The following BAIAP2L2 variants were observed in gnomAD, a reference collection of about 807,000 sequenced individuals.
The protein encoded by BAIAP2L2 is BAR/IMD domain-containing adapter protein 2-like 2.
BAIAP2L2 carries 65 observed loss-of-function variants against 60.4 expected under a neutral mutation model. The ratio of observed to expected loss-of-function variants is 1.08; its 90% CI spans 0.88 to 1.32. The LOEUF (loss-of-function observed/expected upper bound fraction) is 1.32. BAIAP2L2 is among the 40% of genes most tolerant of loss of function. BAIAP2L2 has a pLI of 0.00. For missense variants in BAIAP2L2, 836 were observed against 741.2 expected (o/e 1.13, Z -1.48); for synonymous variants, 344 against 301.7 (o/e 1.14, Z -1.45).
At chr22:38,088,990 C>A (rs748664767) in intron 9 of BAIAP2L2, 26 bp from the exon 10 acceptor site, 1 of 1,479,640 alleles carries the variant, frequency 6.8e-7, no homozygotes, top group African/African-American at 1.4e-5. Flanking sequence ...CGCGGCGGCA[C>A]GTGGGCAGGA....
chr22:38,088,627 G>A, intron 10 of BAIAP2L2, 121 bp downstream of exon 10: 3 of 987,480 alleles, frequency 3.0e-6, no homozygotes, highest in Non-Finnish European at 4.3e-6. Flanking sequence ...GGGAGGAGAG[G>A]AGCATTGTCC....
intron 10 of BAIAP2L2, 80 bp downstream of exon 10, chr22:38,088,668 A>T: frequency 7.1e-7 from 1 of 1,402,774 alleles, no homozygotes; most frequent in Non-Finnish European, 9.4e-7. Context: ...GGGAAACCTC[A>T]GTCCGGCAGG....
chr22:38,109,318 T>G (rs1008510416), intron 1 of BAIAP2L2, 110 bp from the exon 2 acceptor site: 4 of 846,898 alleles, frequency 4.7e-6, no homozygotes, highest in Non-Finnish European at 7.6e-6. Flanking sequence ...CCCAGCCCAG[T>G]GAGAAGCCCC....
At position 38,085,874 on chromosome 22, in the gene BAIAP2L2, C is replaced by T. The variant is rs1411924700; in HGVS notation, c.1468-142G>A. ...ATGCCAGGCTCCTGGAAAATGAGAC[C>T]CTGACGTTCTGAAGCCCAGAATTCT... is the stretch of plus-strand genomic sequence containing the variant. On this transcript the variant is annotated intron_variant, in intron 12 of 13. Coordinates refer to ENST00000381669, the MANE Select transcript of BAIAP2L2 (RefSeq NM_025045.6). 6 of 856,514 alleles carry T rather than the reference C, an allele frequency of 7.0e-6. No homozygotes were observed. In the Admixed American group the frequency reaches 1.6e-4, roughly 23 times the overall value. 53.1% of individuals were successfully genotyped at this position (856,514 alleles called of 1,614,324 possible).
intron 8 of BAIAP2L2, 123 bp downstream of exon 8, chr22:38,089,399 G>A (rs917164711): frequency 1.3e-5 from 8 of 613,538 alleles, no homozygotes; most frequent in African/African-American, 1.2e-4. Context: ...AGGGCAGGCC[G>A]GGGGATGCAG....
chr22:38,095,191 A>G (rs903883972), intron 7 of BAIAP2L2, among the ~76,000 whole-genome samples: 2 of 152,170 alleles, frequency 1.3e-5, no homozygotes. Context: ...AAATCAGTTT[A>G]TCAAAATACA....
intron 4 of BAIAP2L2, among the ~76,000 whole-genome samples, chr22:38,104,446 A>G (rs1200067132): frequency 6.6e-6 from 1 of 152,134 alleles, no homozygotes; most frequent in Non-Finnish European, 1.5e-5. Context: ...AAGTGTAAGG[A>G]AAAGAAACAG....
At chr22:38,109,341 G>A (rs749959234) in intron 1 of BAIAP2L2, 133 bp from the exon 2 acceptor site, 13 of 687,920 alleles carry the variant, frequency 1.9e-5, no homozygotes, top group Non-Finnish European at 2.5e-5. Context: ...ACTTTGGGGG[G>A]CCCATCTACA....
chr22:38,097,968 C>T, intron 6 of BAIAP2L2, 95 bp downstream of exon 6: 1 of 1,174,264 alleles, frequency 8.5e-7, no homozygotes, highest in East Asian at 2.3e-5. Flanking sequence ...GGTGGGGGAG[C>T]TCAGGGAGGC....
rs2086011429 is a variant in BAIAP2L2, at chr22:38,085,040, C to G, written c.*260G>C. On this transcript the variant is annotated 3_prime_UTR_variant, in exon 14 of 14. Transcript: ENST00000381669. ...GAGGTTAGGGGGCAAGAGGTGGGCC[C>G]CCCAGGGAGAGTCCTGGAGCCCCTG... 1 of 466,954 alleles carries G rather than the reference C, an allele frequency of 2.1e-6. No individual in the cohort carries two copies. The highest frequency in any genetic ancestry group is 2.0e-5 in the African/African-American group (1 of 49,890). 28.9% of individuals were successfully genotyped at this position (466,954 alleles called of 1,614,324 possible). A position where few individuals can be genotyped will look rare whatever the true frequency, so the allele number is the denominator to read the frequency against.
chr22:38,108,993 G>A, intron 2 of BAIAP2L2, 140 bp downstream of exon 2: 1 of 750,196 alleles, frequency 1.3e-6, no homozygotes, highest in South Asian at 1.6e-5. Context: ...CTGCAGAGGT[G>A]TGAGGGTGAG....
At position 38,107,895 on chromosome 22, in the gene BAIAP2L2, A is replaced by G. The variant is rs1216006987; in HGVS notation, c.233T>C (p.Met78Thr). 2 of 1,613,504 alleles carry G rather than the reference A, an allele frequency of 1.2e-6. No homozygotes were observed. The highest frequency in any genetic ancestry group is 1.1e-5 in the South Asian group (1 of 91,084). ...SQILGEILVQ[M>T]SDTQRHLNSD... The stretch of plus-strand genomic sequence containing the variant: ...GTTCAAGTGCCGCTGGGTGTCAGAC[A>G]TCTGCACCAAGATCTCCCCTGGAGG... Residue 78 changes from methionine to threonine, a missense_variant, in exon 4 of 14, where the codon ATG becomes ACG. Physicochemically the swap from Met to Thr is moderately conservative, Grantham distance 81. Coordinates refer to ENST00000381669, the MANE Select transcript of BAIAP2L2 (RefSeq NM_025045.6).
At chr22:38,097,542 G>A (rs1182196027) in intron 6 of BAIAP2L2, among the ~76,000 whole-genome samples, 1 of 152,226 alleles carries the variant, frequency 6.6e-6, no homozygotes, top group Non-Finnish European at 1.5e-5. Context: ...AAGATTCTGA[G>A]GAGGGGAGGC....
intron 5 of BAIAP2L2, 115 bp downstream of exon 5, chr22:38,098,296 G>T: frequency 6.9e-7 from 1 of 1,446,742 alleles, no homozygotes; most frequent in Non-Finnish European, 9.7e-7. Flanking sequence ...TGGGAACATG[G>T]ATAATCTGGG....
intron 10 of BAIAP2L2, 30 bp downstream of exon 10, chr22:38,088,718 A>AGGGGG: frequency 1.2e-6 from 1 of 864,830 alleles, no homozygotes; most frequent in Non-Finnish European, 1.8e-6. Flanking sequence ...TTCTCAACCC[A>AGGGGG]CCCCCGGCCC....
In BAIAP2L2 at chr22:38,097,123, C is replaced by T. The variant is rs747122032; in HGVS notation, c.521G>A (p.Arg174Gln). 10 of 1,614,014 alleles carry T rather than the reference C, an allele frequency of 6.2e-6. No homozygotes were observed. The highest frequency in any genetic ancestry group is 2.2e-5 in the East Asian group (1 of 44,888). The change falls in exon 7 of 14, where the codon CGG becomes CAG. Residue 174 changes from arginine to glutamine, a missense_variant. By Grantham distance (43) the Arg-to-Gln change is conservative. Transcript: ENST00000381669. ...CCGCTTCTCTTCCAATTCAGCCGCCCGCTGACTCTCAGACACGAAGGCCTG... is the reference window on the plus strand; with the variant it reads ...CCGCTTCTCTTCCAATTCAGCCGCCTGCTGACTCTCAGACACGAAGGCCTG... ...QMQAFVSESQRAAELEEKRRY... is the reference protein window; with the variant it reads ...QMQAFVSESQQAAELEEKRRY...
At position 38,088,780 on chromosome 22, in the gene BAIAP2L2, G is replaced by T. The variant is rs769177938; in HGVS notation, c.1086C>A (p.Gly362=). The T allele has an allele frequency of 5.0e-6, 8 of 1,600,792 alleles. No homozygotes were observed. The East Asian group carries it at 1.6e-4, about 31-fold the overall frequency. ...VEVLVPEAQN[G]WLYGKLEGSS... ...AGCCCTCCAGCTTGCCGTAGAGCCAGCCGTTCTGGGCCTCGGGCACCAACA... is the reference window on the plus strand; with the variant it reads ...AGCCCTCCAGCTTGCCGTAGAGCCATCCGTTCTGGGCCTCGGGCACCAACA... Residue 362 remains glycine, a synonymous_variant, in exon 10 of 14, where the codon GGC becomes GGA. Coordinates refer to ENST00000381669, the MANE Select transcript of BAIAP2L2 (RefSeq NM_025045.6).
intron 10 of BAIAP2L2, 31 bp downstream of exon 10, chr22:38,088,717 C>A: frequency 7.6e-7 from 1 of 1,313,024 alleles, no homozygotes; most frequent in South Asian, 1.2e-5. Context: ...CTTCTCAACC[C>A]ACCCCCGGCC....
rs769703272 is a variant in BAIAP2L2 at position 38,089,181 on chromosome 22, G to T, written c.816C>A (p.Ser272=). The part of the protein sequence containing the change: ...EFSSPRSRHG[S]GSYGTEPDAR... ...CGTCGGGCTCGGTGCCGTAGGAGCC[G>T]GAGCCGTGCCGGCTGCGGGGGGAGC... Residue 272 remains serine, a synonymous_variant, in exon 9 of 14, where the codon TCC becomes TCA. Transcript: ENST00000381669. 2 of 1,309,214 alleles carry T rather than the reference G, an allele frequency of 1.5e-6. No homozygotes were observed. Among genetic ancestry groups the T allele is most frequent in the African/African-American group, 1.5e-5 (1 of 64,774 alleles). The allele number at this position is 1,309,214 out of a possible 1,614,324, so 81.1% of individuals were successfully genotyped here.
Sources: gnomAD v4.1 joint callset for allele counts (sites outside exome capture counted in the v4.1 genomes callset) on GRCh38, gnomAD v4.1.1 for gene constraint, MANE v1.5 for transcripts, NCBI Gene and HGNC (gene_info 2026-07-23, HGNC 2026-07-21) for gene names.